Variants in TFCP2 observed in about 807,000 individuals in gnomAD.
TFCP2 encodes the protein alpha-globin transcription factor CP2.
Under a neutral mutation model 73.4 loss-of-function variants are expected in TFCP2, and 33 were observed. The ratio of observed to expected loss-of-function variants is 0.45; its 90% CI spans 0.34 to 0.60. The LOEUF (loss-of-function observed/expected upper bound fraction) is 0.60. Ranked by LOEUF, TFCP2 falls within the 20% of genes least tolerant of loss-of-function variation. The pLI is 0.01. For synonymous variants in TFCP2, 193 were observed against 211.6 expected, an observed-to-expected ratio of 0.91 and a Z score of 0.76; for missense variants, 352 against 604.0, an observed-to-expected ratio of 0.58 and a Z score of 4.37.
chr12:51,137,725 T>C (rs1941092653), intron 1 of TFCP2, among the ~76,000 whole-genome samples: 1 of 152,248 alleles, frequency 6.6e-6, no homozygotes, highest in Admixed American at 6.5e-5. Flanking sequence ...AATCTGACTA[T>C]TTTGATACAG....
chr12:51,149,815 G>T (rs533650790), intron 1 of TFCP2, among the ~76,000 whole-genome samples: 10 of 152,168 alleles, frequency 6.6e-5, no homozygotes, highest in South Asian at 2.1e-4. Flanking sequence ...TGGCCAGGCT[G>T]GTCTAGAACT....
At chr12:51,106,779 G>T (rs1404941445) in intron 7 of TFCP2, 166 bp from the exon 8 acceptor site, 1 of 614,202 alleles carries the variant, frequency 1.6e-6, no homozygotes, top group East Asian at 3.2e-5. Flanking sequence ...CTTGGAGCCT[G>T]TGGGGAGGCC....
At chr12:51,119,190 C>T (rs992209638) in intron 1 of TFCP2, among the ~76,000 whole-genome samples, 1 of 152,122 alleles carries the variant, frequency 6.6e-6, no homozygotes, top group Non-Finnish European at 1.5e-5. Context: ...CCTTAGAAGC[C>T]ACGTGAAAAG....
intron 8 of TFCP2, among the ~76,000 whole-genome samples, 164 bp downstream of exon 8, chr12:51,106,361 C>T (rs942270812): frequency 3.9e-5 from 6 of 152,112 alleles, no homozygotes; most frequent in East Asian, 1.9e-4. Flanking sequence ...AAAACTCTTT[C>T]GATCTCTTTT....
intron 1 of TFCP2, among the ~76,000 whole-genome samples, chr12:51,147,269 G>A (rs374611690): frequency 1.3e-5 from 2 of 152,160 alleles, no homozygotes; most frequent in African/African-American, 4.8e-5. Flanking sequence ...CCTGAACCCA[G>A]GAGGCAGAGG....
intron 4 of TFCP2, among the ~76,000 whole-genome samples, chr12:51,115,693 C>T (rs1471135886): frequency 6.6e-6 from 1 of 152,154 alleles, no homozygotes; most frequent in East Asian, 1.9e-4. Context: ...GTGATATATA[C>T]ACACAATGGA....
intron 1 of TFCP2, among the ~76,000 whole-genome samples, chr12:51,158,389 T>C (rs139302649): frequency 5.3e-5 from 8 of 152,310 alleles, no homozygotes; most frequent in African/African-American, 1.9e-4. Flanking sequence ...TACATGACTT[T>C]ACTGAGGCTT....
intron 1 of TFCP2, among the ~76,000 whole-genome samples, chr12:51,161,607 G>A (rs528580728): frequency 1.0e-3 from 156 of 151,464 alleles, no homozygotes; most frequent in Middle Eastern, 3.4e-3. Context: ...TTGGACCCGG[G>A]AGGCAGAGGT....
intron 4 of TFCP2, 144 bp from the exon 5 acceptor site, chr12:51,111,127 G>A (rs541262603): frequency 2.5e-5 from 15 of 607,888 alleles, no homozygotes; most frequent in South Asian, 1.4e-4. Flanking sequence ...TTTTTTTGTC[G>A]TTGTTGTTGT....
intron 1 of TFCP2, among the ~76,000 whole-genome samples, chr12:51,145,046 C>A (rs969043533): frequency 6.6e-6 from 1 of 151,842 alleles, no homozygotes; most frequent in Non-Finnish European, 1.5e-5. Flanking sequence ...ACTAAAAATA[C>A]AAAAATTAGC....
At chr12:51,102,897 C>T (rs533661737) in intron 10 of TFCP2, among the ~76,000 whole-genome samples, 18 of 148,750 alleles carry the variant, frequency 1.2e-4, no homozygotes, top group African/African-American at 2.5e-5. Context: ...TGTTTTGTTT[C>T]GGTGCTTTTT....
chr12:51,126,058 A>G (rs979825779), intron 1 of TFCP2, among the ~76,000 whole-genome samples: 4 of 151,896 alleles, frequency 2.6e-5, no homozygotes, highest in East Asian at 1.9e-4. Flanking sequence ...GTGAAACCCC[A>G]TCTCTACTAA....
Position 51,102,017 on chromosome 12 carries a change from A to T in TFCP2, c.1069T>A (p.Leu357Ile). ...ACATCATCTCTAGTTAATTTCAATA[A>T]ATCTGCCCCTGGAATAAATATAAGA... ...RLFTNFSGADLLKLTRDDVIQ... is the reference protein window; with the variant it reads ...RLFTNFSGADILKLTRDDVIQ... The change falls in exon 11 of 15, where the codon TTA (leucine) becomes ATA (isoleucine). Residue 357 changes from leucine (L) to isoleucine (I), a missense_variant. Leu to Ile is a conservative substitution (Grantham distance 5). Around this residue, in one of 6 missense-constraint regions of TFCP2, gnomAD observed 194 missense variants for 256.3 expected, o/e 0.76. Transcript: ENST00000257915. The T allele has an allele frequency of 1.9e-6, 3 of 1,608,642 alleles. No individual in the cohort carries two copies. The African/African-American group carries it at 4.0e-5, about 21-fold the overall frequency.
chr12:51,122,756 G>A (rs1940715770), intron 1 of TFCP2, among the ~76,000 whole-genome samples: 1 of 151,968 alleles, frequency 6.6e-6, no homozygotes, highest in Non-Finnish European at 1.5e-5. Flanking sequence ...TAGAAACATA[G>A]AGTTTTCTAA....
chr12:51,126,232 CAAAAAA>C (rs371407608), intron 1 of TFCP2, among the ~76,000 whole-genome samples: 2 of 87,766 alleles, frequency 2.3e-5, no homozygotes, highest in South Asian at 4.4e-4. Context: ...GACTCTGTCT[CAAAAAA>C]AAAAAAAAAA....
chr12:51,157,788 T>A (rs955517915), intron 1 of TFCP2, among the ~76,000 whole-genome samples: 1 of 145,902 alleles, frequency 6.9e-6, no homozygotes, highest in African/African-American at 2.5e-5. Flanking sequence ...CCTCCTGGGT[T>A]CATGCGATTC....
intron 8 of TFCP2, among the ~76,000 whole-genome samples, chr12:51,105,327 C>T (rs192518094): frequency 6.6e-6 from 1 of 151,054 alleles, no homozygotes; most frequent in Non-Finnish European, 1.5e-5. Context: ...CTCCTGACAT[C>T]GTAATCTGCC....
intron 8 of TFCP2, among the ~76,000 whole-genome samples, chr12:51,106,008 C>T (rs1940228925): frequency 6.6e-6 from 1 of 152,162 alleles, no homozygotes; most frequent in African/African-American, 2.4e-5. Context: ...TTAAATGTAT[C>T]CCATAAATAA....
chr12:51,101,348 G>A (rs1446459212), intron 11 of TFCP2, among the ~76,000 whole-genome samples: 1 of 151,940 alleles, frequency 6.6e-6, no homozygotes, highest in Non-Finnish European at 1.5e-5. Flanking sequence ...ATTTAAGAAT[G>A]ACCACTTCTC....
Sources: gnomAD v4.1 joint callset for allele counts (sites outside exome capture counted in the v4.1 genomes callset) on GRCh38, gnomAD v4.1.1 for gene constraint, gnomAD v4.1.1 regional missense constraint, MANE v1.5 for transcripts, NCBI Gene and HGNC (gene_info 2026-07-23, HGNC 2026-07-21) for gene names.